GRB2: variants seen among roughly 807,000 people sequenced by gnomAD.
GRB2 encodes the protein growth factor receptor-bound protein 2.
GRB2 carries 2 observed loss-of-function variants against 27.4 expected under a neutral mutation model. The observed-to-expected ratio is 0.07, with a 90% confidence interval of 0.03 to 0.23. The LOEUF is 0.23. Among genes scored for constraint, GRB2 ranks in the 10% least tolerant of loss-of-function variants. The pLI is 1.00. For missense variants in GRB2, 102 were observed against 282.4 expected (o/e 0.36, Z 4.58); for synonymous variants, 94 against 99.6 (o/e 0.94, Z 0.33).
At chr17:75,395,813 T>C (rs147136888) in intron 1 of GRB2, among the ~76,000 whole-genome samples, 265 of 150,550 alleles carry the variant, frequency 1.8e-3, no homozygotes, top group African/African-American at 5.4e-3. Context: ...ATTTAAATAA[T>C]GCACTAAAAC....
At chr17:75,322,039 G>A (rs961615590) in intron 4 of GRB2, among the ~76,000 whole-genome samples, 8 of 152,140 alleles carry the variant, frequency 5.3e-5, no homozygotes, top group Non-Finnish European at 1.2e-4. Flanking sequence ...ACCAGAGAGG[G>A]ACAGGCCATC....
intron 2 of GRB2, among the ~76,000 whole-genome samples, chr17:75,343,240 G>C (rs2078633526): frequency 2.6e-5 from 4 of 151,790 alleles, no homozygotes. Context: ...ATTCTGATTC[G>C]GTCTGCCTGT....
intron 2 of GRB2, among the ~76,000 whole-genome samples, chr17:75,385,045 AAAAAAAAAAAAAAG>A (rs1377926809): frequency 3.5e-5 from 3 of 85,344 alleles, no homozygotes; most frequent in Non-Finnish European, 6.4e-5. Flanking sequence ...AAAAAAAAAA[AAAAAAAAAAAAAAG>A]CAAACAAACA....
At chr17:75,365,346 A>T (rs1055356376) in intron 2 of GRB2, among the ~76,000 whole-genome samples, 2 of 152,236 alleles carry the variant, frequency 1.3e-5, no homozygotes, top group African/African-American at 2.4e-5. Flanking sequence ...AGAACCATTT[A>T]AATCTTCCTG....
At chr17:75,329,066 T>C (rs2078521486) in intron 3 of GRB2, among the ~76,000 whole-genome samples, 1 of 152,120 alleles carries the variant, frequency 6.6e-6, no homozygotes, top group African/African-American at 2.4e-5. Flanking sequence ...GGGTTTCTAA[T>C]ATAAGTGTAT....
At chr17:75,328,062 C>T (rs910836794) in intron 3 of GRB2, among the ~76,000 whole-genome samples, 3 of 152,152 alleles carry the variant, frequency 2.0e-5, no homozygotes, top group Non-Finnish European at 4.4e-5. Context: ...GTACCTCATG[C>T]CTGTAATTGC....
At chr17:75,382,334 A>C (rs2078934395) in intron 2 of GRB2, among the ~76,000 whole-genome samples, 1 of 151,638 alleles carries the variant, frequency 6.6e-6, no homozygotes, top group Non-Finnish European at 1.5e-5. Context: ...GCCACTGTTA[A>C]AACGAAGAAA....
At chr17:75,365,855 C>G (rs1020868052) in intron 2 of GRB2, among the ~76,000 whole-genome samples, 1 of 152,132 alleles carries the variant, frequency 6.6e-6, no homozygotes, top group Non-Finnish European at 1.5e-5. Context: ...GCATGCCCAA[C>G]CCAACCCATC....
intron 2 of GRB2, among the ~76,000 whole-genome samples, chr17:75,393,012 T>C (rs1240430330): frequency 2.0e-5 from 3 of 152,220 alleles, no homozygotes; most frequent in Non-Finnish European, 4.4e-5. Context: ...TAGAACTCCA[T>C]TTGTTTTTTC....
At chr17:75,359,155 T>A in intron 2 of GRB2, among the ~76,000 whole-genome samples, 1 of 72,492 alleles carries the variant, frequency 1.4e-5, no homozygotes, top group Non-Finnish European at 2.5e-5. Context: ...GGTTTGAGAC[T>A]ACATCTCAAA....
intron 2 of GRB2, among the ~76,000 whole-genome samples, chr17:75,389,118 A>T (rs964917217): frequency 2.6e-5 from 4 of 151,996 alleles, no homozygotes; most frequent in African/African-American, 7.2e-5. Flanking sequence ...ATCGCTAAAA[A>T]CCTTCCGAGG....
intron 2 of GRB2, among the ~76,000 whole-genome samples, chr17:75,359,162 C>CAA (rs3082676): frequency 7.3e-4 from 47 of 64,662 alleles, no homozygotes; most frequent in African/African-American, 1.4e-3. Context: ...GACTACATCT[C>CAA]AAAAAAAAAA....
chr17:75,379,684 ACACC>A (rs1318437685), intron 2 of GRB2, among the ~76,000 whole-genome samples: 4 of 152,274 alleles, frequency 2.6e-5, no homozygotes, highest in Admixed American at 6.5e-5. Context: ...ACAGGCCACC[ACACC>A]TGGTCACTTG....
chr17:75,378,403 C>CAA (rs1467374592), intron 2 of GRB2, among the ~76,000 whole-genome samples: 4 of 151,814 alleles, frequency 2.6e-5, no homozygotes, highest in African/African-American at 9.7e-5. Context: ...AACAAACAAA[C>CAA]ACCCAAACCC....
intron 2 of GRB2, among the ~76,000 whole-genome samples, chr17:75,354,611 G>A (rs142867633): frequency 3.8e-4 from 58 of 152,194 alleles, no homozygotes; most frequent in African/African-American, 1.4e-3. Flanking sequence ...CCACTTCCAT[G>A]GAAAAATTGT....
At chr17:75,354,406 G>A (rs150130796) in intron 2 of GRB2, among the ~76,000 whole-genome samples, 2,896 of 152,204 alleles carry the variant, frequency 0.019, 44 homozygotes, top group Non-Finnish European at 0.029. Flanking sequence ...GGGATTACAG[G>A]TGCCTGCCAC....
rs2079090978 is a variant in GRB2, at chr17:75,405,128, C to T, written c.-138+361G>A. On this transcript the variant is annotated intron_variant, in intron 1 of 5. Coordinates refer to ENST00000316804, the MANE Select transcript of GRB2 (RefSeq NM_002086.5). ...TCAATCACCACAGCTGCAGCCCACA[C>T]CAGTCCCCCGCCGCCAGGCTCGGGT... The T allele has an allele frequency of 2.6e-5, 4 of 152,298 alleles. No homozygotes were observed. The South Asian group carries it at 8.3e-4, about 31-fold the overall frequency. The allele number at this position is 152,298 out of a possible 1,614,324, so 9.4% of individuals were successfully genotyped here. A position where few individuals can be genotyped will look rare whatever the true frequency, so the allele number is the denominator to read the frequency against.
intron 3 of GRB2, among the ~76,000 whole-genome samples, chr17:75,332,179 A>T (rs2078545760): frequency 6.6e-6 from 1 of 152,182 alleles, no homozygotes; most frequent in Non-Finnish European, 1.5e-5. Flanking sequence ...TCTGAAAAAA[A>T]ATTAAAAATA....
chr17:75,318,124 A>G lies in GRB2; in HGVS notation c.*2244T>C. On this transcript the variant is annotated 3_prime_UTR_variant, in exon 6 of 6. Coordinates refer to ENST00000316804, the MANE Select transcript of GRB2 (RefSeq NM_002086.5). ...TATTCACAGTTAATCACTACCTACCAAATGCTATCCGCAGAGTTAAAGGAT... is the reference window on the plus strand; with the variant it reads ...TATTCACAGTTAATCACTACCTACCGAATGCTATCCGCAGAGTTAAAGGAT... 1 of 152,636 alleles carries G rather than the reference A, an allele frequency of 6.6e-6. No individual in the cohort carries two copies. The highest frequency in any genetic ancestry group is 6.5e-5 in the Admixed American group (1 of 15,280). 9.5% of individuals were successfully genotyped at this position (152,636 alleles called of 1,614,324 possible). A position where few individuals can be genotyped will look rare whatever the true frequency, so the allele number is the denominator to read the frequency against.
Sources: gnomAD v4.1 joint callset for allele counts (sites outside exome capture counted in the v4.1 genomes callset) on GRCh38, gnomAD v4.1.1 for gene constraint, MANE v1.5 for transcripts, NCBI Gene and HGNC (gene_info 2026-07-23, HGNC 2026-07-21) for gene names.